Variants in CNTN3 observed in about 807,000 individuals in gnomAD.
CNTN3 encodes contactin 3, also known as contactin-3.
A neutral mutation model predicts 119.1 loss-of-function variants in CNTN3; 60 were observed. The ratio of observed to expected loss-of-function variants is 0.50; its 90% CI spans 0.41 to 0.62. The LOEUF (loss-of-function observed/expected upper bound fraction) is 0.62. Ranked by LOEUF, CNTN3 falls within the 20% of genes least tolerant of loss-of-function variation. CNTN3 has a pLI of 0.00. For synonymous variants in CNTN3, 450 were observed against 438.7 expected (o/e 1.03, Z -0.32); for missense variants, 1,101 against 1,242.4 (o/e 0.89, Z 1.71).
chr3:74,302,856 CAAA>C (rs1702486989), intron 13 of CNTN3, 49 bp from the exon 14 acceptor site: 3 of 1,288,088 alleles, frequency 2.3e-6, no homozygotes, highest in Non-Finnish European at 3.3e-6. Flanking sequence ...TTAAAAAACA[CAAA>C]GAAGTTTGAA....
At chr3:74,554,381 G>A (rs762226281) in intron 1 of CNTN3, among the ~76,000 whole-genome samples, 8 of 152,136 alleles carry the variant, frequency 5.3e-5, no homozygotes, top group Non-Finnish European at 1.0e-4. Flanking sequence ...TTCTTGTCCA[G>A]GATTGTCTTG....
intron 1 of CNTN3, among the ~76,000 whole-genome samples, chr3:74,535,913 A>G (rs985405944): frequency 1.3e-5 from 2 of 152,084 alleles, no homozygotes; most frequent in Non-Finnish European, 2.9e-5. Flanking sequence ...GTATTTTCCC[A>G]TCTAAAATTC....
intron 4 of CNTN3, among the ~76,000 whole-genome samples, chr3:74,462,598 G>A (rs929084462): frequency 1.4e-4 from 22 of 152,004 alleles, no homozygotes; most frequent in East Asian, 7.8e-4. Context: ...GTCCTGCTCC[G>A]TAGCCCCACT....
intron 1 of CNTN3, among the ~76,000 whole-genome samples, chr3:74,528,690 C>T (rs1559646983): frequency 6.6e-6 from 1 of 151,890 alleles, no homozygotes. Flanking sequence ...CAATGGAATG[C>T]TTAAGTAATC....
In CNTN3 at chr3:74,266,662, A is replaced by G. The variant is rs747580534; in HGVS notation, c.2818-13T>C. Reference sequence around the variant, plus strand: ...TCCTATAGAAAACCTAAAATGCATGAACAAATACACTTACTTGTTATATTG... The same window carrying G: ...TCCTATAGAAAACCTAAAATGCATGGACAAATACACTTACTTGTTATATTG... On this transcript the variant is annotated splice_polypyrimidine_tract_variant and intron_variant, in intron 21 of 22. Coordinates refer to ENST00000263665, the MANE Select transcript of CNTN3 (RefSeq NM_020872.3). 1 of 1,611,286 alleles carries G rather than the reference A, an allele frequency of 6.2e-7. No individual in the cohort carries two copies. The highest frequency in any genetic ancestry group is 2.2e-5 in the East Asian group (1 of 44,820).
intron 13 of CNTN3, among the ~76,000 whole-genome samples, chr3:74,317,133 G>C (rs1156249648): frequency 6.9e-6 from 1 of 145,776 alleles, no homozygotes; most frequent in Non-Finnish European, 1.5e-5. Flanking sequence ...TTTAAAGTCT[G>C]TTTTATCAGA....
intron 1 of CNTN3, among the ~76,000 whole-genome samples, chr3:74,584,493 T>C (rs1704562729): frequency 6.6e-6 from 1 of 152,070 alleles, no homozygotes; most frequent in Admixed American, 6.6e-5. Context: ...ACTCTCACCA[T>C]GTGACGTCTG....
chr3:74,279,816 A>G (rs1701962487), intron 20 of CNTN3, among the ~76,000 whole-genome samples: 1 of 152,034 alleles, frequency 6.6e-6, no homozygotes, highest in Admixed American at 6.6e-5. Flanking sequence ...AAAGTCAAAC[A>G]ATTGAACTCA....
chr3:74,570,392 C>A (rs1704293958), intron 1 of CNTN3, among the ~76,000 whole-genome samples: 1 of 151,844 alleles, frequency 6.6e-6, no homozygotes, highest in African/African-American at 2.4e-5. Context: ...GTATTCTGTT[C>A]ATGTAGAGAA....
At chr3:74,424,690 G>A (rs1385224243) in intron 5 of CNTN3, among the ~76,000 whole-genome samples, 155 bp downstream of exon 5, 1 of 152,146 alleles carries the variant, frequency 6.6e-6, no homozygotes, top group Non-Finnish European at 1.5e-5. Flanking sequence ...ACTATTTTTT[G>A]TAGTGTTCCT....
intron 20 of CNTN3, among the ~76,000 whole-genome samples, chr3:74,278,255 A>T (rs532331791): frequency 1.4e-4 from 22 of 151,954 alleles, no homozygotes; most frequent in Admixed American, 4.6e-4. Context: ...AAAGGATTAT[A>T]AAAAAAACTC....
chr3:74,499,286 A>G (rs9874938), intron 3 of CNTN3, among the ~76,000 whole-genome samples: 8,933 of 151,948 alleles, frequency 0.059, 556 homozygotes, highest in East Asian at 0.21. Context: ...GTAAACGGAC[A>G]AAAGGTGGCA....
intron 5 of CNTN3, among the ~76,000 whole-genome samples, chr3:74,393,002 C>A (rs1704953919): frequency 6.6e-6 from 1 of 151,980 alleles, no homozygotes; most frequent in Admixed American, 6.6e-5. Flanking sequence ...AATTACCTAT[C>A]TTAATTCTTT....
At chr3:74,601,445 C>G (rs1221054079) in intron 1 of CNTN3, among the ~76,000 whole-genome samples, 2 of 152,096 alleles carry the variant, frequency 1.3e-5, no homozygotes, top group Non-Finnish European at 2.9e-5. Flanking sequence ...CATTATATTT[C>G]CCACCTCTGT....
At chr3:74,364,777 T>C (rs1704151965) in intron 9 of CNTN3, among the ~76,000 whole-genome samples, 181 bp from the exon 10 acceptor site, 1 of 152,164 alleles carries the variant, frequency 6.6e-6, no homozygotes, top group African/African-American at 2.4e-5. Flanking sequence ...ACACAATAGC[T>C]ACACATTAGA....
chr3:74,567,512 T>C (rs1320912307), intron 1 of CNTN3, among the ~76,000 whole-genome samples: 1 of 151,976 alleles, frequency 6.6e-6, no homozygotes, highest in Non-Finnish European at 1.5e-5. Context: ...TGAAATTATT[T>C]CAACACGTTT....
chr3:74,604,747 C>T (rs1704965138), intron 1 of CNTN3, among the ~76,000 whole-genome samples: 1 of 151,910 alleles, frequency 6.6e-6, no homozygotes, highest in African/African-American at 2.4e-5. Context: ...TATGGAGGGT[C>T]CTCAAATAAT....
intron 4 of CNTN3, among the ~76,000 whole-genome samples, chr3:74,430,861 A>T (rs1701772256): frequency 6.6e-6 from 1 of 152,064 alleles, no homozygotes; most frequent in African/African-American, 2.4e-5. Flanking sequence ...ATATTTCCTT[A>T]TTTCCTTTTA....
intron 1 of CNTN3, among the ~76,000 whole-genome samples, chr3:74,554,066 C>A (rs1704033488): frequency 6.6e-6 from 1 of 152,120 alleles, no homozygotes; most frequent in Admixed American, 6.5e-5. Context: ...ACATTTAAGT[C>A]TTTCATCCAT....
Sources: gnomAD v4.1 joint callset for allele counts (sites outside exome capture counted in the v4.1 genomes callset) on GRCh38, gnomAD v4.1.1 for gene constraint, MANE v1.5 for transcripts, NCBI Gene and HGNC (gene_info 2026-07-23, HGNC 2026-07-21) for gene names.